The following NCOR2 variants were observed in gnomAD, a reference collection of about 807,000 sequenced individuals.
NCOR2 encodes CTG repeat protein 26.
NCOR2 carries 81 observed loss-of-function variants against 262.9 expected under a neutral mutation model. The observed-to-expected ratio is 0.31, with a 90% confidence interval of 0.26 to 0.37. NCOR2 has a LOEUF of 0.37. Ranked by LOEUF, NCOR2 falls within the 10% of genes least tolerant of loss-of-function variation. NCOR2 has a pLI of 1.00. For synonymous variants in NCOR2, 1,659 were observed against 1,559.3 expected (o/e 1.06, Z -1.51); for missense variants, 3,385 against 3,621.4 (o/e 0.93, Z 1.68).
Position 124,400,489 on chromosome 12 carries a change from C to G in NCOR2, c.1813+12G>C. On this transcript the variant is annotated intron_variant, in intron 15 of 46. Transcript: ENST00000405201. ...GCCCCTTCCCCACCCGCATCCCTGG[C>G]CCCCAGCTCACCCAGCTCGGCGCTC... The G allele has an allele frequency of 6.2e-7, 1 of 1,608,254 alleles. No homozygotes were observed. Among genetic ancestry groups the G allele is most frequent in the Non-Finnish European group, 8.5e-7 (1 of 1,175,842 alleles).
chr12:124,389,132 C>T lies in NCOR2; in HGVS notation c.1877-3245G>A, dbSNP rs1194299977. 6.6e-6 allele frequency among the ~76,000 whole-genome samples: 1 copy of T among 152,232 alleles called. No individual in the cohort carries two copies. The highest frequency in any genetic ancestry group is 2.1e-4 in the South Asian group (1 of 4,838). On this transcript the variant is annotated intron_variant, in intron 16 of 46. Coordinates refer to ENST00000405201, the Ensembl canonical transcript of NCOR2. The surrounding 1 kb of genome is among the most constrained non-coding windows in gnomAD (Gnocchi z 4.4). ...GCCCCTGGGCCAGGTATCACCGGGG[C>T]GCAGCGTGCCGAGCTCCTCCAGCAC...
intron 13 of NCOR2, among the ~76,000 whole-genome samples, chr12:124,416,477 A>T (rs1186366845): frequency 6.6e-6 from 1 of 152,102 alleles, no homozygotes; most frequent in East Asian, 1.9e-4. Flanking sequence ...TATTCTACGG[A>T]GTCTTCAAGG....
At chr12:124,403,680 A>G (rs549318339) in intron 13 of NCOR2, among the ~76,000 whole-genome samples, 80 of 152,336 alleles carry the variant, frequency 5.3e-4, no homozygotes, top group African/African-American at 1.8e-3. Context: ...AACTCCAAGC[A>G]GATGGAAGAG....
chr12:124,480,243 GGCT>G (rs1477747851), intron 3 of NCOR2, among the ~76,000 whole-genome samples: 1 of 152,212 alleles, frequency 6.6e-6, no homozygotes, highest in African/African-American at 2.4e-5. Context: ...TTTGCCCTGA[GGCT>G]GCTAAGGAGC....
intron 1 of NCOR2, among the ~76,000 whole-genome samples, chr12:124,506,171 TCCATTCA>T (rs1566007537): frequency 6.6e-6 from 1 of 152,100 alleles, no homozygotes. Context: ...ACGCTCCAGT[TCCATTCA>T]CCAAACACAA....
intron 17 of NCOR2, among the ~76,000 whole-genome samples, chr12:124,383,985 G>T (rs1780816939): frequency 6.6e-6 from 1 of 152,154 alleles, no homozygotes; most frequent in Non-Finnish European, 1.5e-5. Context: ...GCAGCGGGGG[G>T]AGACGTCCAT....
intron 27 of NCOR2, among the ~76,000 whole-genome samples, chr12:124,351,657 A>G (rs2037477473): frequency 6.6e-6 from 1 of 152,216 alleles, no homozygotes; most frequent in Non-Finnish European, 1.5e-5. Context: ...CATCAGAGTT[A>G]GAATATGACT....
At chr12:124,327,214 A>G (rs1017053232) in intron 45 of NCOR2, among the ~76,000 whole-genome samples, 195 bp downstream of exon 47, 1 of 152,000 alleles carries the variant, frequency 6.6e-6, no homozygotes, top group Admixed American at 6.5e-5. Flanking sequence ...GCTGGGGGGC[A>G]GAGGGTACAG....
upstream of NCOR2, chr12:124,495,333 T>A: frequency 6.7e-7 from 1 of 1,490,050 alleles, no homozygotes; most frequent in South Asian, 1.3e-5. The surrounding 1 kb of genome is among the most constrained non-coding windows in gnomAD (Gnocchi z 4.4). Flanking sequence ...AAGCCAGTCC[T>A]CGTCATCAGC....
At chr12:124,362,981 A>AGGGGG (rs1593222326) in intron 21 of NCOR2, among the ~76,000 whole-genome samples, 1 of 152,228 alleles carries the variant, frequency 6.6e-6, no homozygotes, top group East Asian at 1.9e-4. Context: ...ACCTCCCAAA[A>AGGGGG]AGCCTGGCCT....
intron 28 of NCOR2, chr12:124,348,696 A>T: frequency 3.6e-6 from 1 of 279,328 alleles, no homozygotes. Context: ...GCACGTGAGC[A>T]AGGACGCATC....
At chr12:124,487,515 C>T (rs973331707) in intron 1 of NCOR2, among the ~76,000 whole-genome samples, 3 of 152,234 alleles carry the variant, frequency 2.0e-5, no homozygotes, top group African/African-American at 7.2e-5. Flanking sequence ...CTTGGCCTTG[C>T]GGGGCTCTGC....
intron 1 of NCOR2, among the ~76,000 whole-genome samples, chr12:124,519,132 A>ACACACACAC (rs1566020196): frequency 6.8e-6 from 1 of 146,812 alleles, no homozygotes; most frequent in African/African-American, 2.5e-5. Flanking sequence ...ACACACACAC[A>ACACACACAC]GGCCAACAAT....
chr12:124,385,181 A>G (rs1176627500), intron 17 of NCOR2, among the ~76,000 whole-genome samples: 1 of 152,072 alleles, frequency 6.6e-6, no homozygotes, highest in Non-Finnish European at 1.5e-5. Context: ...GCGAGCCTGC[A>G]CCTTCTGTGC....
At chr12:124,341,024 C>T (rs1284372951) in intron 34 of NCOR2, among the ~76,000 whole-genome samples, 1 of 152,226 alleles carries the variant, frequency 6.6e-6, no homozygotes, top group Non-Finnish European at 1.5e-5. Context: ...GCCCTCTGTG[C>T]CCCTTCAGCC....
intron 16 of NCOR2, among the ~76,000 whole-genome samples, chr12:124,395,595 G>A (rs900271553): frequency 2.0e-5 from 3 of 152,158 alleles, no homozygotes; most frequent in Non-Finnish European, 2.9e-5. Context: ...CCTCTCCGCC[G>A]GTGAGTCATC....
chr12:124,453,994 T>C (rs1490637598), intron 6 of NCOR2, among the ~76,000 whole-genome samples: 2 of 152,232 alleles, frequency 1.3e-5, no homozygotes, highest in Non-Finnish European at 2.9e-5. Flanking sequence ...AACTGGACTC[T>C]GTGACCCACA....
At chr12:124,532,046 C>T (rs1426106723) in intron 1 of NCOR2, among the ~76,000 whole-genome samples, 4 of 152,132 alleles carry the variant, frequency 2.6e-5, no homozygotes, top group Non-Finnish European at 5.9e-5. Context: ...TGCTGCTGCA[C>T]CCTGGGGATG....
At chr12:124,536,404 A>G (rs1229064909), upstream of NCOR2, among the ~76,000 whole-genome samples, 1 of 152,194 alleles carries the variant, frequency 6.6e-6, no homozygotes, top group Non-Finnish European at 1.5e-5. Flanking sequence ...GAGTTACCAT[A>G]CAAAGTCAAA....
Sources: gnomAD v4.1 joint callset for allele counts (sites outside exome capture counted in the v4.1 genomes callset) on GRCh38, gnomAD v4.1.1 for gene constraint, Gnocchi (gnomAD v3.1) non-coding constraint, MANE v1.5 for transcripts, NCBI Gene and HGNC (gene_info 2026-07-23, HGNC 2026-07-21) for gene names.